Variants in MELK observed in about 807,000 individuals in gnomAD.
MELK encodes the protein maternal embryonic leucine zipper kinase.
A neutral mutation model predicts 85.0 loss-of-function variants in MELK; 81 were observed. That is an observed-to-expected ratio of 0.95 (90% confidence interval 0.80 to 1.15). The LOEUF (loss-of-function observed/expected upper bound fraction) is 1.15. MELK is among the 50% of genes most tolerant of loss of function. The pLI is 0.00. For missense variants in MELK, 754 were observed against 777.5 expected (o/e 0.97, Z 0.36); for synonymous variants, 252 against 265.0 (o/e 0.95, Z 0.48).
chr9:36,625,661 C>T (rs1170329547), intron 8 of MELK, among the ~76,000 whole-genome samples: 3 of 152,138 alleles, frequency 2.0e-5, no homozygotes, highest in African/African-American at 7.2e-5. Context: ...TGGCTCATGC[C>T]TGTAATTCCA....
At chr9:36,630,704 A>T (rs972825976) in intron 9 of MELK, among the ~76,000 whole-genome samples, 1 of 152,200 alleles carries the variant, frequency 6.6e-6, no homozygotes, top group Non-Finnish European at 1.5e-5. Flanking sequence ...CTCAGGTTGG[A>T]GTGCAGTGGC....
At chr9:36,621,046 G>A (rs975360127) in intron 8 of MELK, among the ~76,000 whole-genome samples, 29 of 151,306 alleles carry the variant, frequency 1.9e-4, no homozygotes, top group African/African-American at 6.5e-4. Flanking sequence ...TGAGGTGGGC[G>A]AATCACGAGG....
chr9:36,577,647 T>G lies in MELK; in HGVS notation c.-38-3997T>G, dbSNP rs1821788925. On this transcript the variant is annotated intron_variant, in intron 1 of 17. Coordinates refer to ENST00000298048, the MANE Select transcript of MELK (RefSeq NM_014791.4). ...GCACCTGGCCTCGACTAGATTTTAA[T>G]TTTTAATTTTTATTTATTTTTTTGA... is the stretch of plus-strand genomic sequence containing the variant. Among the ~76,000 whole-genome samples, 4 of 151,872 alleles carry G rather than the reference T, an allele frequency of 2.6e-5. No homozygotes were observed. In the South Asian group the frequency reaches 8.3e-4, roughly 32 times the overall value.
intron 8 of MELK, among the ~76,000 whole-genome samples, chr9:36,623,390 T>C (rs2136274512): frequency 6.6e-6 from 1 of 152,310 alleles, no homozygotes; most frequent in East Asian, 1.9e-4. Flanking sequence ...AATAAGAGAT[T>C]TGGTTAAGCC....
At position 36,581,102 on chromosome 9, in the gene MELK, T is replaced by A. The variant is rs144472493; in HGVS notation, c.-38-542T>A. Among the ~76,000 whole-genome samples, 59 of 152,344 alleles carry A rather than the reference T, an allele frequency of 3.9e-4. 1 individual carries two copies. Among genetic ancestry groups the A allele is most frequent in the African/African-American group, 1.3e-3 (54 of 41,584 alleles). On this transcript the variant is annotated intron_variant, in intron 1 of 17. Transcript: ENST00000298048. ...ATTGTTTTGTCAGAGTTTATGTGTT[T>A]CCTGTGTACATCCACTATTATATTT...
intron 11 of MELK, among the ~76,000 whole-genome samples, chr9:36,648,354 A>G (rs746391822): frequency 1.2e-4 from 19 of 152,226 alleles, no homozygotes; most frequent in Admixed American, 1.1e-3. Flanking sequence ...TGAGAGCTCC[A>G]GAAAGGCTCA....
chr9:36,677,276 A>G lies in MELK; in HGVS notation c.1895A>G (p.Lys632Arg). 6.2e-7 allele frequency: 1 copy of G among 1,614,092 alleles called. No individual in the cohort carries two copies. The highest frequency in any genetic ancestry group is 8.5e-7 in the Non-Finnish European group (1 of 1,179,958). ...GTGGGTATCAGGAGGCAGCGGCTTA[A>G]GGGCGATGCCTGGGTTTACAAAAGA... ...DVVGIRRQRL[K>R]GDAWVYKRLV... Residue 632 changes from lysine to arginine, a missense_variant, in exon 18 of 18, where the codon AAG becomes AGG. Coordinates refer to ENST00000298048, the MANE Select transcript of MELK (RefSeq NM_014791.4).
chr9:36,584,881 C>T (rs563735748), intron 3 of MELK, among the ~76,000 whole-genome samples: 107 of 152,008 alleles, frequency 7.0e-4, no homozygotes, highest in Non-Finnish European at 1.1e-3. Flanking sequence ...CTATGCTTGC[C>T]TAATTTTTAA....
At chr9:36,602,345 G>C (rs1460772125) in intron 7 of MELK, among the ~76,000 whole-genome samples, 2 of 151,692 alleles carry the variant, frequency 1.3e-5, no homozygotes, top group African/African-American at 4.8e-5. Flanking sequence ...ATAAAAATTA[G>C]CTAGGCATGG....
intron 4 of MELK, among the ~76,000 whole-genome samples, chr9:36,591,851 G>C (rs1335133290): frequency 6.6e-6 from 1 of 151,978 alleles, no homozygotes; most frequent in East Asian, 1.9e-4. Flanking sequence ...TGAGGAGCCT[G>C]GGAGATATAG....
chr9:36,606,542 A>G (rs1825538483), intron 7 of MELK, among the ~76,000 whole-genome samples: 1 of 145,590 alleles, frequency 6.9e-6, no homozygotes, highest in Non-Finnish European at 1.5e-5. Context: ...TATAATATAT[A>G]CATATGTATA....
intron 3 of MELK, among the ~76,000 whole-genome samples, chr9:36,588,702 G>GT (rs1235201229): frequency 2.6e-5 from 4 of 152,000 alleles, no homozygotes. Flanking sequence ...TTATAATGAA[G>GT]TTTTACTTGT....
At chr9:36,665,853 C>T (rs1421091909) in intron 14 of MELK, among the ~76,000 whole-genome samples, 1 of 152,190 alleles carries the variant, frequency 6.6e-6, no homozygotes, top group African/African-American at 2.4e-5. Context: ...CAAGTTAGAG[C>T]TCATTTAATC....
intron 4 of MELK, among the ~76,000 whole-genome samples, chr9:36,591,379 C>T (rs1192918288): frequency 6.6e-6 from 1 of 151,972 alleles, no homozygotes; most frequent in African/African-American, 2.4e-5. Flanking sequence ...TCAAGACTAG[C>T]CTGGGCAACA....
intron 9 of MELK, 128 bp downstream of exon 9, chr9:36,630,495 C>T (rs1480007007): frequency 2.0e-5 from 14 of 711,022 alleles, no homozygotes; most frequent in Non-Finnish European, 3.1e-5. Context: ...TTGAAAATAT[C>T]CTCTATTAGA....
intron 8 of MELK, among the ~76,000 whole-genome samples, chr9:36,625,634 A>G (rs1355026128): frequency 6.6e-6 from 1 of 152,136 alleles, no homozygotes; most frequent in Non-Finnish European, 1.5e-5. Flanking sequence ...TCAAAAACAA[A>G]CTTTGAGCCA....
At chr9:36,646,072 T>C (rs1474160895) in intron 11 of MELK, among the ~76,000 whole-genome samples, 3 of 152,186 alleles carry the variant, frequency 2.0e-5, no homozygotes, top group Non-Finnish European at 4.4e-5. Context: ...ACTAATGCCA[T>C]CTAGCGGGTG....
intron 4 of MELK, among the ~76,000 whole-genome samples, chr9:36,593,174 C>G (rs956642757): frequency 7.0e-6 from 1 of 143,796 alleles, no homozygotes; most frequent in Non-Finnish European, 1.5e-5. Context: ...AAAGAGCTTC[C>G]TCTTTTTTTT....
chr9:36,594,995 C>T (rs1309659925), intron 5 of MELK, among the ~76,000 whole-genome samples: 4 of 144,492 alleles, frequency 2.8e-5, no homozygotes, highest in South Asian at 2.2e-4. Context: ...GGTGTGATCT[C>T]GGCTCACTGC....
Sources: gnomAD v4.1 joint callset for allele counts (sites outside exome capture counted in the v4.1 genomes callset) on GRCh38, gnomAD v4.1.1 for gene constraint, MANE v1.5 for transcripts, NCBI Gene and HGNC (gene_info 2026-07-23, HGNC 2026-07-21) for gene names.